Variants in TNS2 observed in about 807,000 individuals in gnomAD.
TNS2 encodes the protein tensin-2.
Under a neutral mutation model 155.7 loss-of-function variants are expected in TNS2, and 77 were observed. That is an observed-to-expected ratio of 0.49 (90% CI 0.41 to 0.60). TNS2 has a LOEUF of 0.60. Among genes scored for constraint, TNS2 ranks in the 20% least tolerant of loss-of-function variants. The pLI, the probability that TNS2 is intolerant of heterozygous loss-of-function variation, is 0.00. For synonymous variants in TNS2, 726 were observed against 763.9 expected (o/e 0.95, Z 0.82); for missense variants, 1,703 against 1,868.8 (o/e 0.91, Z 1.64).
upstream of TNS2, chr12:53,049,165 G>A (rs762517110): frequency 1.3e-6 from 2 of 1,585,736 alleles, no homozygotes; most frequent in Non-Finnish European, 1.7e-6. Flanking sequence ...TGGAGTATGT[G>A]TTGGGAGGGG....
chr12:53,047,234 GCCGCCCGCTCCCGCCACTGCCA>G (rs1943753128), upstream of TNS2, among the ~76,000 whole-genome samples: 1 of 140,146 alleles, frequency 7.1e-6, no homozygotes, highest in Non-Finnish European at 1.6e-5. Context: ...GCCGAGCCCG[GCCGCCCGCTCCCGCCACTGCCA>G]CCGCCTCCTC....
chr12:53,053,351 T>A lies in TNS2; in HGVS notation c.223-60T>A, dbSNP rs910607569. The A allele has an allele frequency of 1.9e-6, 3 of 1,605,092 alleles. No individual in the cohort carries two copies. The African/African-American group carries it at 4.0e-5, about 21-fold the overall frequency. On this transcript the variant is annotated intron_variant, in intron 3 of 28. Transcript: ENST00000314250. ...CTCCTGAAGCTGAGGGGCTGCCCCA[T>A]CCTCAAGCCCACGAGAGCCCTTCAC...
In TNS2 at chr12:53,060,994, T is replaced by A; in HGVS notation, c.3088T>A (p.Ser1030Thr). 1 of 1,612,316 alleles carries A rather than the reference T, an allele frequency of 6.2e-7. No individual in the cohort carries two copies. The highest frequency in any genetic ancestry group is 8.5e-7 in the Non-Finnish European group (1 of 1,179,328). Residue 1030 changes from serine to threonine, a missense_variant, in exon 20 of 29, where the codon TCT becomes ACT. By Grantham distance (58) the Ser-to-Thr change is moderately conservative. Transcript: ENST00000314250. The surrounding 1 kb of genome is among the most constrained non-coding windows in gnomAD (Gnocchi z 6.1). ...PRGPPDSPDG[S>T]PLTPVPSQMP... ...AGGCCCCCCCGACAGCCCAGATGGGTCTCCCCTCACTCCTGTGCCTTCCCA... is the reference window on the plus strand; with the variant it reads ...AGGCCCCCCCGACAGCCCAGATGGGACTCCCCTCACTCCTGTGCCTTCCCA...
At position 53,063,846 on chromosome 12, in the gene TNS2, C is replaced by T; in HGVS notation, c.4194C>T (p.Thr1398=). ...ATCAGCCTGCTGGCGCCATTGTCACCTTCATCACCAAAGTTCTACTGGGCC... is the reference window on the plus strand; with the variant it reads ...ATCAGCCTGCTGGCGCCATTGTCACTTTCATCACCAAAGTTCTACTGGGCC... ...DPDQPAGAIV[T]FITKVLLGQR... is the part of the protein sequence containing the mutation. Residue 1398 remains threonine, a synonymous_variant, in exon 29 of 29, where the codon ACC becomes ACT. Coordinates refer to ENST00000314250, the MANE Select transcript of TNS2 (RefSeq NM_170754.4). The surrounding 1 kb of genome is among the most constrained non-coding windows in gnomAD (Gnocchi z 5.6). 1.2e-6 allele frequency: 2 copies of T among 1,614,124 alleles called. No homozygotes were observed. Among genetic ancestry groups the T allele is most frequent in the Non-Finnish European group, 1.7e-6 (2 of 1,180,020 alleles).
rs1376658692 is a variant in TNS2, at chr12:53,063,795, T to C, written c.4143T>C (p.Cys1381=). The change falls in exon 29 of 29, where the codon TGT becomes TGC. Residue 1381 remains cysteine (C), a synonymous_variant. Transcript: ENST00000314250. This position sits in a 1 kb window ranked among gnomAD's most constrained non-coding sequence, Gnocchi z 5.6. The part of the protein sequence containing the change: ...KKPGSPWENV[C]HLFAELDPDQ... ...CGGGAAGCCCCTGGGAGAATGTGTG[T>C]CACCTCTTTGCAGAGCTTGACCCAG... is the stretch of plus-strand genomic sequence containing the variant. The C allele has an allele frequency of 6.2e-7, 1 of 1,614,198 alleles. No homozygotes were observed. Among genetic ancestry groups the C allele is most frequent in the South Asian group, 1.1e-5 (1 of 91,092 alleles).
rs1302754560 is a variant in TNS2, at chr12:53,064,114, T to G, written c.*232T>G. The G allele has an allele frequency of 1.9e-6, 1 of 537,292 alleles. No homozygotes were observed. The highest frequency in any genetic ancestry group is 3.2e-5 in the East Asian group (1 of 31,494). The allele number at this position is 537,292 out of a possible 1,614,324, so 33.3% of individuals were successfully genotyped here. On this transcript the variant is annotated 3_prime_UTR_variant, in exon 29 of 29. Coordinates refer to ENST00000314250, the MANE Select transcript of TNS2 (RefSeq NM_170754.4). ...CATGTGAGCAGATGGCAGAGATGGG[T>G]GTGTGAGGGGTGAGGAGGCATCAGC... is the stretch of plus-strand genomic sequence containing the variant.
intron 1 of TNS2, among the ~76,000 whole-genome samples, chr12:53,051,173 G>A (rs967557932): frequency 1.3e-5 from 2 of 152,192 alleles, no homozygotes; most frequent in Non-Finnish European, 2.9e-5. Context: ...CAAGTGCCAG[G>A]GTGCAGGGGG....
At position 53,056,984 on chromosome 12, in the gene TNS2, A is replaced by G. The variant is rs547637065; in HGVS notation, c.762-29A>G. ...AGGCCAGGATGAAGATTAATCCCTA[A>G]TCCCCAACACTGGCCTTGCTATCCC... On this transcript the variant is annotated intron_variant, in intron 10 of 28. Coordinates refer to ENST00000314250, the MANE Select transcript of TNS2 (RefSeq NM_170754.4). The G allele has an allele frequency of 1.6e-5, 25 of 1,605,866 alleles. No individual in the cohort carries two copies. The East Asian group carries it at 4.7e-4, about 30-fold the overall frequency.
intron 10 of TNS2, 180 bp from the exon 11 acceptor site, chr12:53,056,833 C>T (rs1000925114): frequency 1.4e-5 from 8 of 554,706 alleles, no homozygotes; most frequent in Non-Finnish European, 2.6e-5. Context: ...GGAACAATTG[C>T]CTGAGGCCCA....
At chr12:53,056,016 T>G (rs1403259561) in intron 10 of TNS2, 171 bp downstream of exon 10, 2 of 680,450 alleles carry the variant, frequency 2.9e-6, no homozygotes, top group East Asian at 5.7e-5. Flanking sequence ...CTGCAGCAGA[T>G]GGTCTGTAGA....
Position 53,063,451 on chromosome 12 carries a change from C to A in TNS2, c.4061+34C>A. The A allele has an allele frequency of 6.2e-7, 1 of 1,613,290 alleles. No individual in the cohort carries two copies. Among genetic ancestry groups the A allele is most frequent in the Non-Finnish European group, 8.5e-7 (1 of 1,179,988 alleles). On this transcript the variant is annotated intron_variant, in intron 27 of 28. Transcript: ENST00000314250. The surrounding 1 kb of genome is among the most constrained non-coding windows in gnomAD (Gnocchi z 5.6). ...CCCTCCAAACCCTTTGCCCCAAATC[C>A]CCATGGTCCCACCAGGTCCCAGCTC...
intron 15 of TNS2, 36 bp downstream of exon 15, chr12:53,058,481 A>G (rs772724907): frequency 5.1e-5 from 25 of 488,226 alleles, no homozygotes; most frequent in Non-Finnish European, 3.6e-5. Flanking sequence ...GCTGGAGTCC[A>G]GGTGGCAGGC....
intron 5 of TNS2, 74 bp from the exon 6 acceptor site, chr12:53,053,891 C>T: frequency 6.2e-7 from 1 of 1,613,924 alleles, no homozygotes; most frequent in Non-Finnish European, 8.5e-7. Context: ...ACAAAAAGGG[C>T]ATGGCTCTGG....
chr12:53,061,440 G>A lies in TNS2; in HGVS notation c.3419G>A (p.Trp1140Ter). 6.2e-7 allele frequency: 1 copy of A among 1,613,992 alleles called. No homozygotes were observed. Among genetic ancestry groups the A allele is most frequent in the Non-Finnish European group, 8.5e-7 (1 of 1,180,006 alleles). Residue 1140 changes from tryptophan to a stop codon, truncating the protein, a stop_gained, in exon 21 of 29, where the codon TGG becomes TAG. Transcript: ENST00000314250. LOFTEE classifies it high-confidence loss of function. ...TTTGTCCAGGATACATCCAAGTTCT[G>A]GTACAAGCCACACCTGTCCCGTGAC... ...VKFVQDTSKFWYKPHLSRDQA... is the reference protein window; with the variant it reads ...VKFVQDTSKF
At chr12:53,062,027 G>T (rs898069513) in intron 22 of TNS2, 87 bp downstream of exon 22, 1 of 1,611,362 alleles carries the variant, frequency 6.2e-7, no homozygotes, top group African/African-American at 1.3e-5. Flanking sequence ...GGGGTGCTGT[G>T]CTGGCCATGC....
intron 4 of TNS2, 92 bp from the exon 5 acceptor site, chr12:53,053,682 C>G (rs1944024415): frequency 6.4e-7 from 1 of 1,559,834 alleles, no homozygotes; most frequent in Non-Finnish European, 8.7e-7. Flanking sequence ...CAAAAGGACA[C>G]TGACATTCCC....
In TNS2 at chr12:53,055,172, C is replaced by T; in HGVS notation, c.523-14C>T. On this transcript the variant is annotated splice_polypyrimidine_tract_variant and intron_variant, in intron 7 of 28. Coordinates refer to ENST00000314250, the MANE Select transcript of TNS2 (RefSeq NM_170754.4). ...GAGATCATTTCTGTCTAAAGCCCTC[C>T]CCCTTTATTTCAGCTCTTCAACCTT... 1 of 1,613,906 alleles carries T rather than the reference C, an allele frequency of 6.2e-7. No homozygotes were observed. Among genetic ancestry groups the T allele is most frequent in the Non-Finnish European group, 8.5e-7 (1 of 1,179,918 alleles).
chr12:53,049,135 C>T (rs369883040), upstream of TNS2: 8 of 1,548,144 alleles, frequency 5.2e-6, no homozygotes, highest in African/African-American at 5.6e-5. Context: ...GGAGGGAGGC[C>T]GGAGGCCCAT....
At position 53,060,190 on chromosome 12, in the gene TNS2, C is replaced by T. The variant is rs550681853; in HGVS notation, c.2549C>T (p.Thr850Met). 52 of 1,591,408 alleles carry T rather than the reference C, an allele frequency of 3.3e-5. No individual in the cohort carries two copies. The highest frequency in any genetic ancestry group is 2.2e-4 in the East Asian group (10 of 44,586). ...QSRKLSYEIP[T>M]EEGGDRYPLP... ...AGGAAGCTGAGCTACGAGATCCCTA[C>T]GGAGGAGGGAGGGGACAGGTACCCA... Residue 850 changes from threonine (T) to methionine (M), a missense_variant, in exon 18 of 29, where the codon ACG (threonine) becomes ATG (methionine). Coordinates refer to ENST00000314250, the MANE Select transcript of TNS2 (RefSeq NM_170754.4). This position sits in a 1 kb window ranked among gnomAD's most constrained non-coding sequence, Gnocchi z 6.1.
Sources: gnomAD v4.1 joint callset for allele counts (sites outside exome capture counted in the v4.1 genomes callset) on GRCh38, gnomAD v4.1.1 for gene constraint, Gnocchi (gnomAD v3.1) non-coding constraint, MANE v1.5 for transcripts, NCBI Gene and HGNC (gene_info 2026-07-23, HGNC 2026-07-21) for gene names.